Variants in SMARCD1 observed in about 807,000 individuals in gnomAD.
SMARCD1 encodes the protein SWI/SNF related BAF chromatin remodeling complex subunit D1, also known as SWI/SNF-related matrix-associated actin-dependent regulator of chromatin subfamily D member 1.
In SMARCD1, 16 loss-of-function variants were observed where a neutral mutation model predicts 70.8. That is an observed-to-expected ratio of 0.23 (90% CI 0.15 to 0.34). The LOEUF (loss-of-function observed/expected upper bound fraction) is 0.34, where lower values mean the gene tolerates loss of function less well. Among genes scored for constraint, SMARCD1 ranks in the 10% least tolerant of loss-of-function variants. The pLI, the probability that SMARCD1 is intolerant of heterozygous loss-of-function variation, is 1.00. For synonymous variants in SMARCD1, 249 were observed against 246.0 expected (o/e 1.01, Z -0.11); for missense variants, 409 against 655.5 (o/e 0.62, Z 4.11).
Position 50,094,378 on chromosome 12 carries a change from T to C in SMARCD1, c.1134-59T>C, listed in dbSNP as rs1272805736. The C allele has an allele frequency of 4.5e-6, 7 of 1,541,078 alleles. No homozygotes were observed. In the Admixed American group the frequency reaches 1.4e-4, roughly 30 times the overall value. On this transcript the variant is annotated intron_variant, in intron 9 of 12. Coordinates refer to ENST00000394963, the MANE Select transcript of SMARCD1 (RefSeq NM_003076.5). ...TCATCCTGGGTCATCTTTTTGACCC[T>C]GTGTAATTAGGTCTTAGGGGACAAG...
At position 50,098,599 on chromosome 12, in the gene SMARCD1, G is replaced by C; in HGVS notation, c.1393-115G>C. On this transcript the variant is annotated intron_variant, in intron 11 of 12. Transcript: ENST00000394963. ...GTCACATTCACAGGTACTAGGGGTT[G>C]GTTAGACTTCAACATTTTGGGGAAG... 9.3e-6 allele frequency: 7 copies of C among 753,010 alleles called. No homozygotes were observed. In the South Asian group the frequency reaches 1.2e-4, roughly 12 times the overall value. The allele number at this position is 753,010 out of a possible 1,614,324, so 46.6% of individuals were successfully genotyped here. A position where few individuals can be genotyped will look rare whatever the true frequency, so the allele number is the denominator to read the frequency against.
chr12:50,090,789 C>T (rs936961320), intron 9 of SMARCD1, among the ~76,000 whole-genome samples, 199 bp downstream of exon 9: 1 of 147,912 alleles, frequency 6.8e-6, no homozygotes, highest in Non-Finnish European at 1.5e-5. Context: ...AAATGTATAA[C>T]TTCCTAATTA....
chr12:50,099,327 TG>T lies in SMARCD1; in HGVS notation c.*329del, dbSNP rs1258317596. The T allele has an allele frequency of 8.1e-6, 4 of 495,604 alleles. No homozygotes were observed. Among genetic ancestry groups the T allele is most frequent in the Non-Finnish European group, 1.4e-5 (4 of 281,844 alleles). 30.7% of individuals were successfully genotyped at this position (495,604 alleles called of 1,614,324 possible). On this transcript the variant is annotated 3_prime_UTR_variant, in exon 13 of 13. Transcript: ENST00000394963. ...GGAATGGATTGGGCCTCAGGCCAGGTGGTCTTCAAGGGGACCAGCTAACTGA... is the reference window on the plus strand; with the variant it reads ...GGAATGGATTGGGCCTCAGGCCAGGTGTCTTCAAGGGGACCAGCTAACTGA...
chr12:50,088,225 A>C (rs1192300700), intron 5 of SMARCD1: 1 of 700,800 alleles, frequency 1.4e-6, no homozygotes, highest in Non-Finnish European at 2.6e-6. Flanking sequence ...TTCTCTGTTC[A>C]AACTCGCTTA....
chr12:50,089,052 C>G (rs1418544397), intron 6 of SMARCD1: 1 of 153,114 alleles, frequency 6.5e-6, no homozygotes, highest in Non-Finnish European at 1.5e-5. Flanking sequence ...CATTATAGAT[C>G]TGGGACTTCC....
chr12:50,091,945 C>T (rs1338614030), intron 9 of SMARCD1, among the ~76,000 whole-genome samples: 1 of 152,164 alleles, frequency 6.6e-6, no homozygotes, highest in Non-Finnish European at 1.5e-5. Context: ...TCCCACTCTC[C>T]TTTGGAAGAT....
At position 50,096,938 on chromosome 12, in the gene SMARCD1, A is replaced by G. The variant is rs1950898258; in HGVS notation, c.1358A>G (p.Asn453Ser). ...SFARDPQGFI[N>S]DWLQSQCRDL... ...GCCAGAGACCCTCAGGGTTTCATCAATGACTGGCTTCAGTCCCAGTGCAGG... is the reference window on the plus strand; with the variant it reads ...GCCAGAGACCCTCAGGGTTTCATCAGTGACTGGCTTCAGTCCCAGTGCAGG... Residue 453 changes from asparagine to serine, a missense_variant, in exon 11 of 13, where the codon AAT becomes AGT. Coordinates refer to ENST00000394963, the MANE Select transcript of SMARCD1 (RefSeq NM_003076.5). 2 of 1,614,094 alleles carry G rather than the reference A, an allele frequency of 1.2e-6. No individual in the cohort carries two copies. Among genetic ancestry groups the G allele is most frequent in the Non-Finnish European group, 1.7e-6 (2 of 1,179,948 alleles).
intron 9 of SMARCD1, among the ~76,000 whole-genome samples, chr12:50,092,235 C>CTTTTTTTTTTT (rs60619880): frequency 6.7e-4 from 61 of 91,148 alleles, no homozygotes; most frequent in African/African-American, 1.0e-3. Flanking sequence ...TTCTTTCTTT[C>CTTTTTTTTTTT]TTTTTTTTTT....
chr12:50,087,340 A>G (rs769690412), intron 4 of SMARCD1, 23 bp from the exon 5 acceptor site: 1 of 1,612,424 alleles, frequency 6.2e-7, no homozygotes, highest in Non-Finnish European at 8.5e-7. Flanking sequence ...CCCCACGATC[A>G]ATCCTGTTTC....
At position 50,090,379 on chromosome 12, in the gene SMARCD1, A is replaced by G. The variant is rs778044064; in HGVS notation, c.1012A>G (p.Ile338Val). 16 of 1,613,922 alleles carry G rather than the reference A, an allele frequency of 9.9e-6. No individual in the cohort carries two copies. Among genetic ancestry groups the G allele is most frequent in the Non-Finnish European group, 4.2e-6 (5 of 1,179,956 alleles). ...GGACCCTCACGAGCGGGAGTTTGTC[A>G]TCTGTGACAAGTACCTGCAGCAGGT... Reference protein sequence around the residue: ...LQDPHEREFVICDKYLQQIFE... With the variant: ...LQDPHEREFVVCDKYLQQIFE... The change falls in exon 8 of 13, where the codon ATC (isoleucine) becomes GTC (valine). Residue 338 changes from isoleucine to valine, a missense_variant. Around this residue, in one of 2 missense-constraint regions of SMARCD1, gnomAD observed 269 missense variants for 498.6 expected, o/e 0.54. Coordinates refer to ENST00000394963, the MANE Select transcript of SMARCD1 (RefSeq NM_003076.5).
Position 50,098,988 on chromosome 12 carries a change from C to A in SMARCD1, c.1536C>A (p.Ile512=). The change falls in exon 13 of 13, where the codon ATC becomes ATA. Residue 512 remains isoleucine (I), a synonymous_variant. Transcript: ENST00000394963. ...RRQELEQALG[I]RNT ...AAGAATTAGAGCAAGCCCTGGGAAT[C>A]CGGAATACATAGGGCCTCTCCCACA... 1.2e-6 allele frequency: 2 copies of A among 1,614,054 alleles called. No individual in the cohort carries two copies. Among genetic ancestry groups the A allele is most frequent in the Non-Finnish European group, 1.7e-6 (2 of 1,179,924 alleles).
At chr12:50,090,639 G>A (rs185217498) in intron 9 of SMARCD1, 49 bp downstream of exon 9, 34 of 1,393,420 alleles carry the variant, frequency 2.4e-5, no homozygotes, top group South Asian at 1.9e-4. Flanking sequence ...GCCTTGTGCC[G>A]ATTTGCACAA....
Position 50,085,352 on chromosome 12 carries a change from A to G in SMARCD1, c.-18A>G, listed in dbSNP as rs1950775053. The G allele has an allele frequency of 7.9e-7, 1 of 1,262,156 alleles. No individual in the cohort carries two copies. The highest frequency in any genetic ancestry group is 3.7e-5 in the South Asian group (1 of 27,114). The allele number at this position is 1,262,156 out of a possible 1,614,324, so 78.2% of individuals were successfully genotyped here. A position where few individuals can be genotyped will look rare whatever the true frequency, so the allele number is the denominator to read the frequency against. On this transcript the variant is annotated 5_prime_UTR_variant, in exon 1 of 13. Coordinates refer to ENST00000394963, the MANE Select transcript of SMARCD1 (RefSeq NM_003076.5). ...CGGTTCCGGTTCTTTGTGCGGCTGC[A>G]TCGGCGGCTCCGGGAAGATGGCGGC...
chr12:50,086,973 T>G, intron 4 of SMARCD1, 95 bp downstream of exon 4: 1 of 1,277,786 alleles, frequency 7.8e-7, no homozygotes, highest in Non-Finnish European at 1.1e-6. Context: ...AGCACAACTC[T>G]CCTTGGCATT....
At chr12:50,092,235 CTTT>C (rs60619880) in intron 9 of SMARCD1, among the ~76,000 whole-genome samples, 1 of 91,154 alleles carries the variant, frequency 1.1e-5, no homozygotes, top group East Asian at 3.6e-4. Flanking sequence ...TTCTTTCTTT[CTTT>C]TTTTTTTTTT....
chr12:50,096,330 A>G (rs1335240948), intron 10 of SMARCD1, among the ~76,000 whole-genome samples: 4 of 152,174 alleles, frequency 2.6e-5, no homozygotes, highest in Admixed American at 2.6e-4. Context: ...AGTGAGTTTA[A>G]TGTCAAGTTT....
rs551420871 is a variant in SMARCD1, at chr12:50,086,087, G to A, written c.178-74G>A. 21 of 1,164,906 alleles carry A rather than the reference G, an allele frequency of 1.8e-5. No homozygotes were observed. In the African/African-American group the frequency reaches 2.0e-4, roughly 11 times the overall value. The allele number at this position is 1,164,906 out of a possible 1,614,324, so 72.2% of individuals were successfully genotyped here. A position where few individuals can be genotyped will look rare whatever the true frequency, so the allele number is the denominator to read the frequency against. ...CTTACTTCATTCAAAGATCTCAGGC[G>A]TTCCCTGCTTTTCTTTCTTGATGGG... On this transcript the variant is annotated intron_variant, in intron 1 of 12. Transcript: ENST00000394963.
chr12:50,094,411 C>G (rs1423535413), intron 9 of SMARCD1, 26 bp from the exon 10 acceptor site: 1 of 1,609,336 alleles, frequency 6.2e-7, no homozygotes, highest in African/African-American at 1.3e-5. Context: ...AAGCTCTTTA[C>G]CAGGCTCCTT....
intron 11 of SMARCD1, among the ~76,000 whole-genome samples, chr12:50,098,018 G>A (rs955011916): frequency 5.9e-5 from 9 of 152,014 alleles, no homozygotes; most frequent in East Asian, 1.9e-4. Context: ...ATTTGAAGAC[G>A]TTCCCAGAAA....
Sources: gnomAD v4.1 joint callset for allele counts (sites outside exome capture counted in the v4.1 genomes callset) on GRCh38, gnomAD v4.1.1 for gene constraint, gnomAD v4.1.1 regional missense constraint, MANE v1.5 for transcripts, NCBI Gene and HGNC (gene_info 2026-07-23, HGNC 2026-07-21) for gene names.